The following DCC variants were observed in gnomAD, a reference collection of about 807,000 sequenced individuals.
The protein encoded by DCC is DCC netrin 1 receptor.
A neutral mutation model predicts 172.5 loss-of-function variants in DCC; 58 were observed. That is an observed-to-expected ratio of 0.34 (90% CI 0.27 to 0.42). The LOEUF is 0.42. Ranked by LOEUF, DCC falls within the 10% of genes least tolerant of loss-of-function variation. The probability of loss-of-function intolerance (pLI) is 1.00; values close to 1 mark genes in which losing one functional copy is unlikely to be tolerated. For missense variants in DCC, 1,740 were observed against 1,791.0 expected (o/e 0.97, Z 0.51); for synonymous variants, 709 against 644.5 (o/e 1.10, Z -1.52).
chr18:52,838,987 T>G (rs9962954), intron 2 of DCC, among the ~76,000 whole-genome samples: 66,702 of 152,022 alleles, frequency 0.44, 14,814 homozygotes, highest in South Asian at 0.55. Flanking sequence ...TTATTTTTAT[T>G]TAGTAGAAGA....
At chr18:53,512,811 T>A (rs998754612) in intron 27 of DCC, among the ~76,000 whole-genome samples, 5 of 150,774 alleles carry the variant, frequency 3.3e-5, no homozygotes, top group African/African-American at 1.2e-4. Context: ...TGGGACTATG[T>A]GAAAAGACCA....
intron 15 of DCC, among the ~76,000 whole-genome samples, chr18:53,385,021 CTTT>C (rs35779527): frequency 0.29 from 37,710 of 131,022 alleles, 5,634 homozygotes; most frequent in East Asian, 0.5. Flanking sequence ...TAATTTTTTT[CTTT>C]TTTTTTTTTT....
In DCC at chr18:53,531,257, T is replaced by C. The variant is rs1186439552; in HGVS notation, c.*604T>C. On this transcript the variant is annotated 3_prime_UTR_variant, in exon 29 of 29. Transcript: ENST00000442544. ...ATCTTGCACAAGTGGTGGATATTAG[T>C]GAGTGGCTAAAAATTCACCTATTTT... The C allele has an allele frequency of 1.3e-5, 2 of 159,394 alleles. No homozygotes were observed. The highest frequency in any genetic ancestry group is 2.4e-5 in the African/African-American group (1 of 41,544). The allele number at this position is 159,394 out of a possible 1,614,324, so 9.9% of individuals were successfully genotyped here. A position where few individuals can be genotyped will look rare whatever the true frequency, so the allele number is the denominator to read the frequency against.
At position 53,298,527 on chromosome 18, in the gene DCC, C is replaced by CAA. The variant is rs61387067; in HGVS notation, c.1912-7022_1912-7021dup. On this transcript the variant is annotated intron_variant, in intron 12 of 28. Coordinates refer to ENST00000442544, the MANE Select transcript of DCC (RefSeq NM_005215.4). The stretch of plus-strand genomic sequence containing the variant: ...TGGATGACACAGAGAGACCCTGACT[C>CAA]AAAAAAAAAAAAAAAAAAAAAAAAA... Among the ~76,000 whole-genome samples the CAA allele has an allele frequency of 2.7e-3, 89 of 33,098 alleles. 7 individuals carry two copies. The highest frequency in any genetic ancestry group is 4.8e-3 in the African/African-American group (56 of 11,668). 21.7% of individuals were successfully genotyped at this position (33,098 alleles called of 152,430 possible). A position where few individuals can be genotyped will look rare whatever the true frequency, so the allele number is the denominator to read the frequency against.
intron 16 of DCC, among the ~76,000 whole-genome samples, chr18:53,386,574 A>G (rs899748331): frequency 2.0e-5 from 3 of 152,140 alleles, no homozygotes; most frequent in Admixed American, 2.0e-4. Flanking sequence ...TCAAACTAAG[A>G]TGACAAGGAA....
intron 7 of DCC, among the ~76,000 whole-genome samples, chr18:53,125,895 G>A (rs8083043): frequency 0.48 from 73,266 of 151,938 alleles, 18,275 homozygotes; most frequent in South Asian, 0.67. Flanking sequence ...GTATGAAACA[G>A]ATACATTATA....
At chr18:52,397,233 C>T (rs1031332026) in intron 1 of DCC, among the ~76,000 whole-genome samples, 2 of 151,990 alleles carry the variant, frequency 1.3e-5, no homozygotes, top group African/African-American at 4.8e-5. Context: ...ATTTAATATT[C>T]TGGGGAAGAG....
intron 5 of DCC, among the ~76,000 whole-genome samples, chr18:52,988,322 C>T (rs1327612200): frequency 6.6e-6 from 1 of 151,716 alleles, no homozygotes; most frequent in Non-Finnish European, 1.5e-5. Context: ...AGAGATAAAA[C>T]AAAGTCCATG....
At chr18:52,760,106 G>C (rs1055167172) in intron 2 of DCC, among the ~76,000 whole-genome samples, 2 of 152,184 alleles carry the variant, frequency 1.3e-5, no homozygotes. Context: ...GTTTATAAAG[G>C]AAAGAGGTTT....
chr18:53,044,832 G>T, intron 5 of DCC, among the ~76,000 whole-genome samples: 1 of 151,700 alleles, frequency 6.6e-6, no homozygotes, highest in East Asian at 1.9e-4. Context: ...TCATATTTCA[G>T]GTTACATTTT....
At chr18:52,539,600 G>A (rs897058603) in intron 1 of DCC, among the ~76,000 whole-genome samples, 22 of 152,244 alleles carry the variant, frequency 1.4e-4, no homozygotes, top group Admixed American at 1.3e-4. Context: ...GAAGTGGAAC[G>A]GTTTCATCCT....
In DCC at chr18:52,774,656, C is replaced by T. The variant is rs920430756; in HGVS notation, c.412+22282C>T. Among the ~76,000 whole-genome samples the T allele has an allele frequency of 1.2e-4, 19 of 152,158 alleles. No homozygotes were observed. In the East Asian group the frequency reaches 3.1e-3, roughly 25 times the overall value. ...GGTATGGCTTGCTTCTTCAGTGCCC[C>T]GCTGCTCACCCCTCTAGGGGAGCAT... On this transcript the variant is annotated intron_variant, in intron 2 of 28. Transcript: ENST00000442544.
At chr18:52,658,846 A>C (rs2035304493) in intron 1 of DCC, among the ~76,000 whole-genome samples, 1 of 152,156 alleles carries the variant, frequency 6.6e-6, no homozygotes, top group Admixed American at 6.6e-5. Context: ...TTAAATTTTC[A>C]TGTGAAGTTT....
chr18:52,636,995 T>C (rs1473787038), intron 1 of DCC, among the ~76,000 whole-genome samples: 1 of 152,170 alleles, frequency 6.6e-6, no homozygotes, highest in Non-Finnish European at 1.5e-5. Context: ...ATCACAGGAC[T>C]CTGTGCAGAC....
intron 1 of DCC, among the ~76,000 whole-genome samples, chr18:52,457,453 G>T (rs1988493689): frequency 6.6e-6 from 1 of 152,138 alleles, no homozygotes; most frequent in Admixed American, 6.5e-5. Flanking sequence ...GGGCACAGGG[G>T]GTCACCAACA....
intron 5 of DCC, among the ~76,000 whole-genome samples, chr18:53,004,373 G>A (rs889848589): frequency 6.6e-6 from 1 of 151,486 alleles, no homozygotes; most frequent in Admixed American, 6.6e-5. Context: ...CTCTCTGTGT[G>A]TATGTGTATG....
intron 7 of DCC, among the ~76,000 whole-genome samples, chr18:53,067,566 C>G (rs1350103073): frequency 6.6e-6 from 1 of 152,000 alleles, no homozygotes; most frequent in Non-Finnish European, 1.5e-5. Flanking sequence ...GATACTAGAC[C>G]TGTCATGTAA....
intron 20 of DCC, among the ~76,000 whole-genome samples, chr18:53,415,295 T>A (rs2145065166): frequency 6.6e-6 from 1 of 152,286 alleles, no homozygotes; most frequent in African/African-American, 2.4e-5. Flanking sequence ...CCTATCAAGT[T>A]TGAATGGAAT....
At chr18:53,389,148 A>C (rs1375770792) in intron 16 of DCC, among the ~76,000 whole-genome samples, 1 of 152,200 alleles carries the variant, frequency 6.6e-6, no homozygotes, top group Non-Finnish European at 1.5e-5. Flanking sequence ...AACACCTGTT[A>C]GGAATTGAAC....
Sources: gnomAD v4.1 joint callset for allele counts (sites outside exome capture counted in the v4.1 genomes callset) on GRCh38, gnomAD v4.1.1 for gene constraint, MANE v1.5 for transcripts, NCBI Gene and HGNC (gene_info 2026-07-23, HGNC 2026-07-21) for gene names.